Variants in TMEM236 observed in about 807,000 individuals in gnomAD.
TMEM236 encodes transmembrane protein 236.
TMEM236 carries 11 observed loss-of-function variants against 14.7 expected under a neutral mutation model. That is an observed-to-expected ratio of 0.75 (90% CI 0.47 to 1.24). The LOEUF is 1.24. TMEM236 is among the 50% of genes most tolerant of loss of function. The probability of loss-of-function intolerance (pLI) is 0.00; values close to 1 mark genes in which losing one functional copy is unlikely to be tolerated. For synonymous variants in TMEM236, 182 were observed against 168.6 expected, an observed-to-expected ratio of 1.08 and a Z score of -0.62; for missense variants, 464 against 427.3, an observed-to-expected ratio of 1.09 and a Z score of -0.76.
At chr10:17,771,260 T>A in intron 1 of TMEM236, 49 bp from the exon 2 acceptor site, 1 of 1,552,372 alleles carries the variant, frequency 6.4e-7, no homozygotes, top group Non-Finnish European at 8.9e-7. Context: ...TAAGAGGAAC[T>A]GTCGATCTTG....
chr10:17,782,943 A>C (rs1451414885), intron 3 of TMEM236, among the ~76,000 whole-genome samples: 1 of 152,174 alleles, frequency 6.6e-6, no homozygotes, highest in South Asian at 2.1e-4. Flanking sequence ...GGACAAGGAT[A>C]TGGTTAGAAT....
At chr10:17,783,545 GA>G (rs1837788305) in intron 3 of TMEM236, among the ~76,000 whole-genome samples, 1 of 152,144 alleles carries the variant, frequency 6.6e-6, no homozygotes, top group Admixed American at 6.5e-5. Context: ...TTTAATATCA[GA>G]AACTTGAGTC....
chr10:17,753,243 ATT>A (rs1837235284), intron 1 of TMEM236, among the ~76,000 whole-genome samples: 2 of 152,036 alleles, frequency 1.3e-5, no homozygotes, highest in East Asian at 3.9e-4. Flanking sequence ...TCAAAGATAT[ATT>A]TGTTTGTTTG....
At chr10:17,754,347 G>A (rs1000066599) in intron 1 of TMEM236, among the ~76,000 whole-genome samples, 1 of 151,978 alleles carries the variant, frequency 6.6e-6, no homozygotes, top group Admixed American at 6.6e-5. Context: ...TTGAGACTGG[G>A]TGTGGCTCTG....
At chr10:17,782,560 T>C (rs1837770120) in intron 3 of TMEM236, among the ~76,000 whole-genome samples, 2 of 152,138 alleles carry the variant, frequency 1.3e-5, no homozygotes, top group African/African-American at 4.8e-5. Context: ...TAAGCGATTC[T>C]CGTGCCTCAG....
At chr10:17,756,155 TATTCAAG>T (rs1837281281) in intron 1 of TMEM236, among the ~76,000 whole-genome samples, 3 of 152,142 alleles carry the variant, frequency 2.0e-5, no homozygotes, top group Non-Finnish European at 4.4e-5. Flanking sequence ...TAGTCCCAGC[TATTCAAG>T]AGGTTGGCTT....
In TMEM236 at chr10:17,796,070, C is replaced by T; in HGVS notation, c.622C>T (p.Gln208Ter). ...GCCATCAGGAGCCATGACACGGAGC[C>T]AGGAGTCTGTGTTCATGGGACCCCA... is the stretch of plus-strand genomic sequence containing the variant. The part of the protein sequence containing the change: ...SQPSGAMTRS[Q>*]ESVFMGPQEP... Residue 208 changes from glutamine (Q) to a stop codon, truncating the protein, a stop_gained, in exon 4 of 4, where the codon CAG becomes TAG. Transcript: ENST00000377495. LOFTEE classifies it low-confidence loss of function (END_TRUNC). 6.2e-7 allele frequency: 1 copy of T among 1,613,878 alleles called. No individual in the cohort carries two copies. The highest frequency in any genetic ancestry group is 8.5e-7 in the Non-Finnish European group (1 of 1,179,866).
chr10:17,757,122 T>C (rs1320375422), intron 1 of TMEM236, among the ~76,000 whole-genome samples: 1 of 152,174 alleles, frequency 6.6e-6, no homozygotes, highest in Non-Finnish European at 1.5e-5. Flanking sequence ...AGCATTATCA[T>C]ATAGTTATCT....
intron 3 of TMEM236, among the ~76,000 whole-genome samples, chr10:17,779,128 A>G (rs1296437457): frequency 3.9e-5 from 6 of 152,284 alleles, no homozygotes; most frequent in Admixed American, 6.5e-5. Flanking sequence ...AAATGAGCGC[A>G]CCTTAATGCT....
Position 17,776,018 on chromosome 10 carries a change from T to A in TMEM236, c.331-11T>A, listed in dbSNP as rs1837653028. 3 of 1,613,854 alleles carry A rather than the reference T, an allele frequency of 1.9e-6. No individual in the cohort carries two copies. Among genetic ancestry groups the A allele is most frequent in the Non-Finnish European group, 1.7e-6 (2 of 1,179,810 alleles). On this transcript the variant is annotated splice_polypyrimidine_tract_variant and intron_variant, in intron 2 of 3. Transcript: ENST00000377495. ...ATAATTTAATGCTTGTAAATGGTTT[T>A]CTCTAAACAGGTTCAAAAGAGCATT...
rs1283632772 is a variant in TMEM236 at position 17,766,879 on chromosome 10, T to C, written c.258-4430T>C. Among the ~76,000 whole-genome samples, 21 of 152,220 alleles carry C rather than the reference T, an allele frequency of 1.4e-4. No homozygotes were observed. The South Asian group carries it at 1.5e-3, about 11-fold the overall frequency. On this transcript the variant is annotated intron_variant, in intron 1 of 3. Coordinates refer to ENST00000377495, the MANE Select transcript of TMEM236 (RefSeq NM_001098844.3). Reference sequence around the variant, plus strand: ...TGTTTTTTTTTGGCAATCTTTGATGTTTCTTGGCTTGTAAATGCATCACTG... The same window carrying C: ...TGTTTTTTTTTGGCAATCTTTGATGCTTCTTGGCTTGTAAATGCATCACTG...
At chr10:17,788,440 G>C (rs1837871454) in intron 3 of TMEM236, among the ~76,000 whole-genome samples, 1 of 151,546 alleles carries the variant, frequency 6.6e-6, no homozygotes, top group Admixed American at 6.6e-5. Flanking sequence ...CAGCAGTAGA[G>C]GGAAAAATGA....
chr10:17,766,587 C>T (rs1837468091), intron 1 of TMEM236, among the ~76,000 whole-genome samples: 2 of 152,194 alleles, frequency 1.3e-5, no homozygotes, highest in South Asian at 4.1e-4. Context: ...GTGCTTCTCA[C>T]AACTCTCCCA....
At chr10:17,772,778 A>G (rs1837594041) in intron 2 of TMEM236, among the ~76,000 whole-genome samples, 1 of 151,954 alleles carries the variant, frequency 6.6e-6, no homozygotes, top group Admixed American at 6.6e-5. Context: ...TTATTATTTT[A>G]TTTTATTTTT....
At chr10:17,772,814 C>G (rs1837594946) in intron 2 of TMEM236, among the ~76,000 whole-genome samples, 1 of 152,166 alleles carries the variant, frequency 6.6e-6, no homozygotes, top group African/African-American at 2.4e-5. Context: ...TGCTTGCTCA[C>G]TCTTTTTTTA....
At chr10:17,753,071 C>T (rs1421631583) in intron 1 of TMEM236, among the ~76,000 whole-genome samples, 2 of 151,698 alleles carry the variant, frequency 1.3e-5, no homozygotes, top group African/African-American at 4.8e-5. Flanking sequence ...AAGTTTTGTA[C>T]TTTTAGTAGA....
chr10:17,777,367 A>G (rs1270093962), intron 3 of TMEM236, among the ~76,000 whole-genome samples: 1 of 152,238 alleles, frequency 6.6e-6, no homozygotes, highest in Non-Finnish European at 1.5e-5. Flanking sequence ...TCCAGAGTCA[A>G]GCGTATTTGT....
Position 17,795,992 on chromosome 10 carries a change from A to G in TMEM236, c.544A>G (p.Ser182Gly), listed in dbSNP as rs1838005925. The change falls in exon 4 of 4, where the codon AGT (serine) becomes GGT (glycine). Residue 182 changes from serine to glycine, a missense_variant. Transcript: ENST00000377495. ...AACTGTGACGGAGCAAGTGAGGCAA[A>G]GTCCAGAAAACGCTGCATCTCCCCA... Reference protein sequence around the residue: ...IKTVTEQVRQSPENAASPQAT... With the variant: ...IKTVTEQVRQGPENAASPQAT... 1.2e-6 allele frequency: 2 copies of G among 1,613,976 alleles called. No homozygotes were observed. Among genetic ancestry groups the G allele is most frequent in the Non-Finnish European group, 1.7e-6 (2 of 1,179,874 alleles).
rs1351799250 is a variant in TMEM236 at position 17,762,630 on chromosome 10, T to TACATACATAC, written c.258-8678_258-8677insCATACATACA. On this transcript the variant is annotated intron_variant, in intron 1 of 3. Coordinates refer to ENST00000377495, the MANE Select transcript of TMEM236 (RefSeq NM_001098844.3). ...ATATATATATATATACACACATACA[T>TACATACATAC]ATATATATATATTTAGGTTTTATTA... 4.9e-5 allele frequency among the ~76,000 whole-genome samples: 4 copies of TACATACATAC among 81,330 alleles called. No homozygotes were observed. The Admixed American group carries it at 5.2e-4, about 11-fold the overall frequency. 53.4% of individuals were successfully genotyped at this position (81,330 alleles called of 152,430 possible). A position where few individuals can be genotyped will look rare whatever the true frequency, so the allele number is the denominator to read the frequency against.
Sources: allele counts gnomAD v4.1 joint callset (sites outside exome capture counted in the v4.1 genomes callset), GRCh38; gene constraint gnomAD v4.1.1; transcripts MANE v1.5; gene names NCBI Gene and HGNC (gene_info 2026-07-23, HGNC 2026-07-21).